The following CPS1 variants were observed in gnomAD, a reference collection of about 807,000 sequenced individuals.
The protein encoded by CPS1 is carbamoyl-phosphate synthase [ammonia], mitochondrial.
CPS1 carries 109 observed loss-of-function variants against 174.6 expected under a neutral mutation model. The ratio of observed to expected loss-of-function variants is 0.62; its 90% CI spans 0.53 to 0.73. The LOEUF (loss-of-function observed/expected upper bound fraction) is 0.73, where lower values mean the gene tolerates loss of function less well. Ranked by LOEUF, CPS1 falls within the 30% of genes least tolerant of loss-of-function variation. The probability of loss-of-function intolerance (pLI) is 0.00; values close to 1 mark genes in which losing one functional copy is unlikely to be tolerated. For missense variants in CPS1, 1,689 were observed against 1,821.9 expected (o/e 0.93, Z 1.33); for synonymous variants, 637 against 632.0 (o/e 1.01, Z -0.12).
intron 34 of CPS1, among the ~76,000 whole-genome samples, chr2:210,669,475 A>G (rs1213404544): frequency 6.6e-6 from 1 of 152,150 alleles, no homozygotes; most frequent in African/African-American, 2.4e-5. Flanking sequence ...GAACAGTACC[A>G]GGTATTCTCA....
At position 210,502,253 on chromosome 2, in the gene CPS1, T is replaced by A. The variant is rs139346369; in HGVS notation, c.3+24487T>A. Among the ~76,000 whole-genome samples the A allele has an allele frequency of 5.8e-4, 88 of 151,972 alleles. No individual in the cohort carries two copies. The East Asian group carries it at 0.015, about 26-fold the overall frequency. Reference sequence around the variant, plus strand: ...CAAACCATATTACCAATTTTCCTTCTCGAATTAATGCTCACAGAGTTGATC... The same window carrying A: ...CAAACCATATTACCAATTTTCCTTCACGAATTAATGCTCACAGAGTTGATC... On this transcript the variant is annotated intron_variant, in intron 1 of 38. Transcript: ENST00000430249.
chr2:210,478,552 A>G (rs974119413), intron 1 of CPS1, among the ~76,000 whole-genome samples: 51 of 152,002 alleles, frequency 3.4e-4, no homozygotes, highest in African/African-American at 1.1e-3. Context: ...TAGTTATTGT[A>G]GATACTTTCT....
intron 1 of CPS1, among the ~76,000 whole-genome samples, chr2:210,497,248 C>T (rs1383112755): frequency 6.6e-6 from 1 of 152,024 alleles, no homozygotes; most frequent in Non-Finnish European, 1.5e-5. Context: ...AGAATTTATC[C>T]TTATATCTCC....
At chr2:210,531,655 C>T (rs1230696147) in intron 1 of CPS1, among the ~76,000 whole-genome samples, 1 of 152,074 alleles carries the variant, frequency 6.6e-6, no homozygotes, top group Admixed American at 6.6e-5. Flanking sequence ...TAGTAGAATG[C>T]TCTTTGGACA....
intron 1 of CPS1, among the ~76,000 whole-genome samples, chr2:210,514,378 C>G (rs1480917208): frequency 4.6e-5 from 7 of 151,754 alleles, no homozygotes; most frequent in African/African-American, 1.7e-4. Context: ...TTTTGTATTT[C>G]TCCTTGTAGA....
Position 210,582,717 on chromosome 2 carries a change from GTTTTCC to G in CPS1, c.621+12_621+17del. On this transcript the variant is annotated intron_variant, in intron 6 of 37. Coordinates refer to ENST00000233072, the MANE Select transcript of CPS1 (RefSeq NM_001875.5). ...GCTGAGGTTTCAACCAAGGTGAGGGGTTTTCCTTTATATTTTGTAGTTTTATTTGAT... is the reference window on the plus strand; with the variant it reads ...GCTGAGGTTTCAACCAAGGTGAGGGGTTTATATTTTGTAGTTTTATTTGAT... 6.3e-7 allele frequency: 1 copy of G among 1,598,924 alleles called. No homozygotes were observed. The highest frequency in any genetic ancestry group is 1.1e-5 in the South Asian group (1 of 90,782).
chr2:210,660,735 T>C, intron 32 of CPS1, 80 bp downstream of exon 32: 1 of 1,394,280 alleles, frequency 7.2e-7, no homozygotes, highest in Admixed American at 1.7e-5. Flanking sequence ...AAAATCTTGT[T>C]ACTTTTAAAA....
At position 210,574,796 on chromosome 2, in the gene CPS1, G is replaced by GTAAGCA. The variant is rs1197708883; in HGVS notation, c.236+1392_236+1397dup. Reference sequence around the variant, plus strand: ...ATTTATTCATTTACTGAAGAGTATTGTAAGCATATGTTTAAAGGGAATGGT... The same window carrying GTAAGCA: ...ATTTATTCATTTACTGAAGAGTATTGTAAGCATAAGCATATGTTTAAAGGGAATGGT... On this transcript the variant is annotated intron_variant, in intron 2 of 37. Transcript: ENST00000233072. Among the ~76,000 whole-genome samples the GTAAGCA allele has an allele frequency of 2.6e-5, 4 of 152,098 alleles. No individual in the cohort carries two copies. The East Asian group carries it at 7.7e-4, about 29-fold the overall frequency.
chr2:210,623,824 TGAG>T (rs1196647706), intron 21 of CPS1, among the ~76,000 whole-genome samples: 1 of 152,146 alleles, frequency 6.6e-6, no homozygotes, highest in Non-Finnish European at 1.5e-5. Flanking sequence ...AACTTGCTCA[TGAG>T]GCATGGCAAA....
intron 1 of CPS1, among the ~76,000 whole-genome samples, chr2:210,492,109 A>C (rs898382671): frequency 6.6e-6 from 1 of 152,238 alleles, no homozygotes; most frequent in South Asian, 2.1e-4. Flanking sequence ...AGACTTCACT[A>C]TCCCTCCAGA....
chr2:210,584,949 T>C (rs1374214253), intron 6 of CPS1, among the ~76,000 whole-genome samples: 1 of 152,102 alleles, frequency 6.6e-6, no homozygotes. Flanking sequence ...TTTCCCATGC[T>C]TTCTCCTTCC....
chr2:210,580,471 T>A (rs886640888), intron 5 of CPS1, among the ~76,000 whole-genome samples: 1 of 152,076 alleles, frequency 6.6e-6, no homozygotes, highest in Non-Finnish European at 1.5e-5. Context: ...AAAGAAACAT[T>A]ACGTCACTAA....
chr2:210,638,731 C>T (rs1448896000), intron 22 of CPS1, among the ~76,000 whole-genome samples: 2 of 152,164 alleles, frequency 1.3e-5, no homozygotes, highest in Non-Finnish European at 2.9e-5. Flanking sequence ...GTCATCCCAC[C>T]GCTCAGTGCC....
chr2:210,576,463 CA>C lies in CPS1; in HGVS notation c.357del (p.Lys119AsnfsTer31). 6.2e-7 allele frequency: 1 copy of C among 1,613,564 alleles called. No homozygotes were observed. Among genetic ancestry groups the C allele is most frequent in the Non-Finnish European group, 8.5e-7 (1 of 1,179,648 alleles). On this transcript the variant is annotated frameshift_variant, in exon 3 of 38. Transcript: ENST00000233072. LOFTEE classifies it high-confidence loss of function. ...TTALDELGLSKYLESNGIKVS... is the reference protein window; with the variant it reads ...TTALDELGLSXYLESNGIKVS... ...CTGCTCTGGATGAACTGGGACTTAG[CA>C]AATATTTGGAGTCTAATGGAATCAA...
chr2:210,674,994 A>T (rs749589424), intron 35 of CPS1, 33 bp downstream of exon 35: 2 of 1,522,392 alleles, frequency 1.3e-6, no homozygotes, highest in East Asian at 4.5e-5. Flanking sequence ...GTTTTCTGTC[A>T]GCATGGAATC....
chr2:210,611,353 A>G (rs542962979), intron 19 of CPS1, among the ~76,000 whole-genome samples: 41 of 152,082 alleles, frequency 2.7e-4, no homozygotes, highest in African/African-American at 9.4e-4. Flanking sequence ...TAAATTGGAG[A>G]CCAAAAATGC....
At chr2:210,559,840 T>C (rs1697041276) in intron 1 of CPS1, among the ~76,000 whole-genome samples, 1 of 152,134 alleles carries the variant, frequency 6.6e-6, no homozygotes, top group Non-Finnish European at 1.5e-5. Context: ...AATTATGTGA[T>C]TGTCACACAT....
At chr2:210,657,092 C>T (rs1700733593) in intron 30 of CPS1, among the ~76,000 whole-genome samples, 1 of 152,226 alleles carries the variant, frequency 6.6e-6, no homozygotes, top group African/African-American at 2.4e-5. Flanking sequence ...TGAAGCAATG[C>T]TTCTCAGTTA....
intron 4 of CPS1, 83 bp from the exon 5 acceptor site, chr2:210,579,631 T>G (rs1697842509): frequency 1.9e-6 from 2 of 1,076,478 alleles, no homozygotes; most frequent in Non-Finnish European, 2.9e-6. Flanking sequence ...AGAAGATAGA[T>G]GAGGCCAAGT....
Sources: allele counts gnomAD v4.1 joint callset (sites outside exome capture counted in the v4.1 genomes callset), GRCh38; gene constraint gnomAD v4.1.1; transcripts MANE v1.5; gene names NCBI Gene and HGNC (gene_info 2026-07-23, HGNC 2026-07-21).